Variants in SRPK2 observed in about 807,000 individuals in gnomAD.
SRPK2 encodes the protein SFRS protein kinase 2.
A neutral mutation model predicts 90.8 loss-of-function variants in SRPK2; 21 were observed. That is an observed-to-expected ratio of 0.23 (90% CI 0.16 to 0.33). The LOEUF (loss-of-function observed/expected upper bound fraction) is 0.33. Among genes scored for constraint, SRPK2 ranks in the 10% least tolerant of loss-of-function variants. The pLI is 1.00. For missense variants in SRPK2, 620 were observed against 869.0 expected, an observed-to-expected ratio of 0.71 and a Z score of 3.60; for synonymous variants, 288 against 311.1, an observed-to-expected ratio of 0.93 and a Z score of 0.78.
intron 2 of SRPK2, among the ~76,000 whole-genome samples, chr7:105,276,951 C>T (rs530638859): frequency 1.3e-5 from 2 of 152,166 alleles, no homozygotes; most frequent in African/African-American, 2.4e-5. Flanking sequence ...CAACACCTCT[C>T]CCATCCTAAC....
chr7:105,214,322 T>G (rs569141125), intron 2 of SRPK2, among the ~76,000 whole-genome samples: 40 of 152,368 alleles, frequency 2.6e-4, no homozygotes, highest in African/African-American at 9.6e-4. Context: ...TTATACAGCT[T>G]ATTTTAAATA....
chr7:105,182,074 C>T (rs558744084), intron 3 of SRPK2, among the ~76,000 whole-genome samples: 29 of 150,724 alleles, frequency 1.9e-4, no homozygotes, highest in African/African-American at 6.6e-4. Context: ...ACTAAAAATA[C>T]AAAAAAATTA....
At chr7:105,310,637 T>C (rs1440394567) in intron 2 of SRPK2, among the ~76,000 whole-genome samples, 2 of 121,456 alleles carry the variant, frequency 1.6e-5, no homozygotes, top group Non-Finnish European at 3.3e-5. Flanking sequence ...TAGTGAGACC[T>C]TGTCTCAAAA....
intron 2 of SRPK2, among the ~76,000 whole-genome samples, chr7:105,379,154 A>T (rs867697268): frequency 1.3e-4 from 20 of 150,204 alleles, no homozygotes; most frequent in East Asian, 2.0e-4. Flanking sequence ...TCTCTAAAAA[A>T]AAATATATAT....
intron 2 of SRPK2, among the ~76,000 whole-genome samples, chr7:105,334,998 G>A (rs553813100): frequency 2.7e-5 from 4 of 149,694 alleles, no homozygotes; most frequent in South Asian, 2.1e-4. Flanking sequence ...GTGAAACCCC[G>A]TCTCTACTAC....
At chr7:105,215,308 C>A (rs1365090789) in intron 2 of SRPK2, among the ~76,000 whole-genome samples, 4 of 152,180 alleles carry the variant, frequency 2.6e-5, no homozygotes, top group Non-Finnish European at 5.9e-5. Flanking sequence ...TACCACTTCA[C>A]ACCTACTAGG....
intron 2 of SRPK2, among the ~76,000 whole-genome samples, chr7:105,285,595 G>A (rs1307452295): frequency 6.6e-6 from 1 of 152,084 alleles, no homozygotes; most frequent in African/African-American, 2.4e-5. Context: ...TTGGATCACG[G>A]GGACTGGGAT....
At position 105,139,804 on chromosome 7, in the gene SRPK2, T is replaced by C. The variant is rs539272209; in HGVS notation, c.1543+2204A>G. Reference sequence around the variant, plus strand: ...AACCTTAGAGGTAGCCATTTCTTTCTTTTGATAGAGGAATGAACCAAGGCT... The same window carrying C: ...AACCTTAGAGGTAGCCATTTCTTTCCTTTGATAGAGGAATGAACCAAGGCT... On this transcript the variant is annotated intron_variant, in intron 11 of 15. Transcript: ENST00000393651. Among the ~76,000 whole-genome samples, 5 of 152,276 alleles carry C rather than the reference T, an allele frequency of 3.3e-5. No homozygotes were observed. In the South Asian group the frequency reaches 1.0e-3, roughly 32 times the overall value.
intron 3 of SRPK2, among the ~76,000 whole-genome samples, chr7:105,173,344 A>G (rs1212275240): frequency 1.3e-5 from 2 of 152,210 alleles, no homozygotes; most frequent in Non-Finnish European, 2.9e-5. Flanking sequence ...TGATATACAC[A>G]ATTTCAAGTC....
chr7:105,244,602 A>G, intron 2 of SRPK2: 1 of 652,972 alleles, frequency 1.5e-6, no homozygotes, highest in South Asian at 1.6e-5. Context: ...CCAGAGTTCC[A>G]CGCGGCGCCA....
chr7:105,304,851 C>T lies in SRPK2; in HGVS notation c.71+83797G>A, dbSNP rs149089598. Among the ~76,000 whole-genome samples the T allele has an allele frequency of 2.1e-3, 319 of 152,252 alleles. 2 individuals are homozygous for T. Among genetic ancestry groups the T allele is most frequent in the African/African-American group, 7.4e-3 (307 of 41,550 alleles). ...ACAATCACTGATTGATACATGCTGC[C>T]TACAGATGCCCTCAGACTAGGGACA... On this transcript the variant is annotated intron_variant, in intron 2 of 15. Coordinates refer to ENST00000393651, the MANE Select transcript of SRPK2 (RefSeq NM_182692.3).
chr7:105,193,366 T>A (rs1794539812), intron 3 of SRPK2, among the ~76,000 whole-genome samples: 1 of 152,230 alleles, frequency 6.6e-6, no homozygotes, highest in Non-Finnish European at 1.5e-5. Context: ...TATTTCTCAG[T>A]TCTCTATTCT....
At chr7:105,256,743 C>T (rs756711912) in intron 2 of SRPK2, among the ~76,000 whole-genome samples, 34 of 152,140 alleles carry the variant, frequency 2.2e-4, no homozygotes, top group Admixed American at 3.9e-4. Flanking sequence ...GCAAAACTTG[C>T]CCGGTATTTC....
intron 2 of SRPK2, among the ~76,000 whole-genome samples, chr7:105,267,364 G>C (rs1805231321): frequency 6.6e-6 from 1 of 152,032 alleles, no homozygotes; most frequent in Non-Finnish European, 1.5e-5. Context: ...GCTCTTCCTA[G>C]TACCAAACTC....
In SRPK2 at chr7:105,388,654, G is replaced by C; in HGVS notation, c.65C>G (p.Pro22Arg). 6.3e-7 allele frequency: 1 copy of C among 1,588,026 alleles called. No individual in the cohort carries two copies. The highest frequency in any genetic ancestry group is 8.6e-7 in the Non-Finnish European group (1 of 1,167,218). The change falls in exon 2 of 16, where the codon CCG becomes CGG. Residue 22 changes from proline (P) to arginine (R), a missense_variant. Transcript: ENST00000393651. Reference protein sequence around the residue: ...RKRRPKREKHPKKPEPQQKAP... With the variant: ...RKRRPKREKHRKKPEPQQKAP... ...AGGCGCAGCGTGGACTCACTTTTTC[G>C]GATGTTTCTCTCTTTTCGGCCTCCG...
chr7:105,245,037 A>G (rs1585331790), intron 2 of SRPK2: 1 of 198,004 alleles, frequency 5.1e-6, no homozygotes, highest in African/African-American at 1.3e-4. Flanking sequence ...CAAAACAAAC[A>G]CACACACACA....
At chr7:105,191,758 T>A (rs1794308550) in intron 3 of SRPK2, among the ~76,000 whole-genome samples, 1 of 152,018 alleles carries the variant, frequency 6.6e-6, no homozygotes, top group Non-Finnish European at 1.5e-5. Flanking sequence ...CTTCTCCTTG[T>A]ATCTTCTCTC....
Position 105,394,432 on chromosome 7 carries a change from G to A in SRPK2, n.153+4724C>T, listed in dbSNP as rs148038025. Among the ~76,000 whole-genome samples, 428 of 151,492 alleles carry A rather than the reference G, an allele frequency of 2.8e-3. 2 individuals are homozygous for A. Among genetic ancestry groups the A allele is most frequent in the African/African-American group, 9.8e-3 (406 of 41,278 alleles). The stretch of plus-strand genomic sequence containing the variant: ...CTGGGATTACAGGCGTGAGCCACGC[G>A]CCCAGCCAATTTGTGGCCAGAGTCT... On this transcript the variant is annotated intron_variant and non_coding_transcript_variant, in intron 1 of 3. Coordinates refer to the SRPK2 transcript ENST00000462282.
chr7:105,207,074 G>A (rs1012748005), intron 2 of SRPK2, among the ~76,000 whole-genome samples: 4 of 152,170 alleles, frequency 2.6e-5, no homozygotes, highest in African/African-American at 7.2e-5. Context: ...GAAAATCAAG[G>A]TAAATTTCTC....
Sources: gnomAD v4.1 joint callset for allele counts (sites outside exome capture counted in the v4.1 genomes callset) on GRCh38, gnomAD v4.1.1 for gene constraint, MANE v1.5 for transcripts, NCBI Gene and HGNC (gene_info 2026-07-23, HGNC 2026-07-21) for gene names.